Variants in FER observed in about 807,000 individuals in gnomAD.
The protein encoded by FER is FER tyrosine kinase.
Under a neutral mutation model 111.0 loss-of-function variants are expected in FER, and 63 were observed. That is an observed-to-expected ratio of 0.57 (90% CI 0.46 to 0.70). The LOEUF is 0.70. Among genes scored for constraint, FER ranks in the 30% least tolerant of loss-of-function variants. FER has a pLI of 0.00. For missense variants in FER, 914 were observed against 954.0 expected, an observed-to-expected ratio of 0.96 and a Z score of 0.55; for synonymous variants, 327 against 313.9, an observed-to-expected ratio of 1.04 and a Z score of -0.44.
chr5:109,172,348 A>G (rs899291443), intron 17 of FER, among the ~76,000 whole-genome samples: 2 of 151,874 alleles, frequency 1.3e-5, no homozygotes, highest in African/African-American at 2.4e-5. Flanking sequence ...CATGGATGAA[A>G]CTGGAAATCA....
chr5:108,973,846 G>A (rs1204971321), intron 13 of FER, among the ~76,000 whole-genome samples: 1 of 151,662 alleles, frequency 6.6e-6, no homozygotes, highest in Non-Finnish European at 1.5e-5. Flanking sequence ...ATCCTTTTTT[G>A]ACTCTAGAAT....
At chr5:109,098,079 G>T (rs1412470327) in intron 16 of FER, among the ~76,000 whole-genome samples, 3 of 151,698 alleles carry the variant, frequency 2.0e-5, no homozygotes, top group African/African-American at 7.2e-5. Context: ...AGAACAATCA[G>T]AAACCCCTTG....
chr5:108,910,571 T>C (rs1252050139), intron 10 of FER, among the ~76,000 whole-genome samples: 2 of 152,182 alleles, frequency 1.3e-5, no homozygotes, highest in Non-Finnish European at 2.9e-5. Flanking sequence ...GGGCTTCTAG[T>C]ATACCCATCA....
intron 16 of FER, among the ~76,000 whole-genome samples, chr5:109,053,899 G>C (rs1204421711): frequency 6.6e-6 from 1 of 152,062 alleles, no homozygotes; most frequent in Admixed American, 6.5e-5. Context: ...CACCATGTTA[G>C]CCAGGATGGT....
chr5:108,773,697 C>A (rs998802903), intron 2 of FER, among the ~76,000 whole-genome samples: 72 of 152,064 alleles, frequency 4.7e-4, no homozygotes, highest in African/African-American at 1.7e-3. Context: ...CTGTATTTCA[C>A]TGGGTATATA....
intron 17 of FER, among the ~76,000 whole-genome samples, chr5:109,157,400 T>C (rs1755515988): frequency 6.6e-6 from 1 of 152,128 alleles, no homozygotes; most frequent in Non-Finnish European, 1.5e-5. Context: ...CTACTCCCTT[T>C]GCTCTGTCAT....
chr5:108,781,797 A>G (rs1337458958), intron 2 of FER, among the ~76,000 whole-genome samples: 5 of 152,160 alleles, frequency 3.3e-5, no homozygotes, highest in African/African-American at 1.2e-4. Flanking sequence ...TTAGACTCTG[A>G]TAGAACCCCA....
At chr5:109,154,508 G>A (rs1424756739) in intron 17 of FER, among the ~76,000 whole-genome samples, 2 of 151,804 alleles carry the variant, frequency 1.3e-5, no homozygotes, top group African/African-American at 4.8e-5. Flanking sequence ...AGATGAACAT[G>A]GAAGAATGAG....
intron 17 of FER, among the ~76,000 whole-genome samples, chr5:109,156,908 A>G (rs1456383684): frequency 2.0e-5 from 3 of 151,922 alleles, no homozygotes; most frequent in Non-Finnish European, 4.4e-5. Flanking sequence ...GAAACAGAGA[A>G]TGGGGTGATA....
chr5:108,817,624 C>T (rs1758417046), intron 3 of FER, among the ~76,000 whole-genome samples: 1 of 152,108 alleles, frequency 6.6e-6, no homozygotes, highest in African/African-American at 2.4e-5. Context: ...ATTATAGCTC[C>T]AGTAGTAGTT....
intron 18 of FER, among the ~76,000 whole-genome samples, chr5:109,181,459 A>G (rs542080629): frequency 2.5e-4 from 38 of 152,236 alleles, no homozygotes; most frequent in African/African-American, 8.7e-4. Context: ...TATAACTTGC[A>G]TTATCTGTGG....
At chr5:109,026,556 G>C (rs1331298637) in intron 13 of FER, among the ~76,000 whole-genome samples, 1 of 152,146 alleles carries the variant, frequency 6.6e-6, no homozygotes, top group Admixed American at 6.5e-5. Flanking sequence ...TGCTGAGCCA[G>C]CTAGGGAGAT....
intron 5 of FER, among the ~76,000 whole-genome samples, chr5:108,866,578 A>C (rs1252658340): frequency 6.6e-6 from 1 of 152,156 alleles, no homozygotes; most frequent in East Asian, 1.9e-4. Flanking sequence ...TAAAACTTAA[A>C]GTATTAAAAA....
At chr5:108,792,612 C>T (rs747867388) in intron 2 of FER, among the ~76,000 whole-genome samples, 4 of 152,036 alleles carry the variant, frequency 2.6e-5, no homozygotes, top group Non-Finnish European at 5.9e-5. Flanking sequence ...GCTGGGATTA[C>T]AGGTGTGAGC....
At chr5:109,119,435 G>C (rs1750681376) in intron 17 of FER, among the ~76,000 whole-genome samples, 1 of 152,012 alleles carries the variant, frequency 6.6e-6, no homozygotes, top group Admixed American at 6.5e-5. Flanking sequence ...CCAACTATGT[G>C]GTCAATTTTG....
chr5:109,061,697 C>T (rs763195105), intron 16 of FER, among the ~76,000 whole-genome samples: 1 of 152,132 alleles, frequency 6.6e-6, no homozygotes, highest in Non-Finnish European at 1.5e-5. Flanking sequence ...TTTCAGTAAA[C>T]AGGAAAATTT....
intron 16 of FER, among the ~76,000 whole-genome samples, chr5:109,048,177 C>T (rs1772270411): frequency 6.6e-6 from 1 of 151,796 alleles, no homozygotes; most frequent in South Asian, 2.1e-4. Flanking sequence ...TTTCTGTTTA[C>T]AGAAATTAAT....
chr5:108,787,677 C>G (rs1473554356), intron 2 of FER, among the ~76,000 whole-genome samples: 1 of 152,190 alleles, frequency 6.6e-6, no homozygotes, highest in Admixed American at 6.5e-5. Context: ...ATCCAGATGA[C>G]CTGCTTGCAG....
At chr5:109,032,555 C>T (rs1035250953) in intron 13 of FER, among the ~76,000 whole-genome samples, 5 of 152,194 alleles carry the variant, frequency 3.3e-5, no homozygotes, top group Non-Finnish European at 7.3e-5. Flanking sequence ...AGCTACCTCA[C>T]ATCCACAAGT....
Sources: allele counts gnomAD v4.1 joint callset (sites outside exome capture counted in the v4.1 genomes callset), GRCh38; gene constraint gnomAD v4.1.1; transcripts MANE v1.5; gene names NCBI Gene and HGNC (gene_info 2026-07-23, HGNC 2026-07-21).